SYTL5: variants seen among roughly 807,000 people sequenced by gnomAD.
The protein encoded by SYTL5 is synaptotagmin-like protein 5.
A neutral mutation model predicts 55.9 loss-of-function variants in SYTL5; 34 were observed. The ratio of observed to expected loss-of-function variants is 0.61; its 90% CI spans 0.46 to 0.81. The LOEUF (loss-of-function observed/expected upper bound fraction) is 0.81, where lower values mean the gene tolerates loss of function less well. SYTL5 is among the 30% of genes least tolerant of loss of function. The pLI, the probability that SYTL5 is intolerant of heterozygous loss-of-function variation, is 0.00. For synonymous variants in SYTL5, 221 were observed against 188.7 expected, an observed-to-expected ratio of 1.17 and a Z score of -1.40; for missense variants, 637 against 546.7, an observed-to-expected ratio of 1.17 and a Z score of -1.65.
chrX:38,044,112 C>T (rs6520968), intron 2 of SYTL5, among the ~76,000 whole-genome samples: 31,796 of 110,168 alleles, frequency 0.29, 6,319 homozygotes, highest in African/African-American at 0.71. Flanking sequence ...TTGTAATTAA[C>T]TGCCAGTGAT....
Position 38,110,457 on chromosome X carries a change from A to G in SYTL5, c.1571A>G (p.Asp524Gly). The G allele has an allele frequency of 8.3e-7, 1 of 1,205,676 alleles. No individual in the cohort carries two copies. Among genetic ancestry groups the G allele is most frequent in the Non-Finnish European group, 1.1e-6 (1 of 892,335 alleles). The change falls in exon 13 of 17, where the codon GAT (aspartate) becomes GGT (glycine). Residue 524 changes from aspartate (D) to glycine (G), a missense_variant. Asp to Gly is a moderately conservative substitution (Grantham distance 94, BLOSUM62 -1). Transcript: ENST00000297875. ...TCATGGAACTTTGAAAATCCAACTGATGAGTGGTTTGTGCTTCAACCCAAG... is the reference window on the plus strand; with the variant it reads ...TCATGGAACTTTGAAAATCCAACTGGTGAGTGGTTTGTGCTTCAACCCAAG... ...FDSWNFENPT[D>G]EWFVLQPKVE...
At chrX:38,053,251 A>G (rs1935675087) in intron 2 of SYTL5, among the ~76,000 whole-genome samples, 1 of 112,685 alleles carries the variant, frequency 8.9e-6, no homozygotes. Flanking sequence ...TTGGAACAGC[A>G]ATTTTCTAAA....
chrX:37,925,913 G>A, the SYTL5 span, among the ~76,000 whole-genome samples: 1 of 111,736 alleles, frequency 8.9e-6, no homozygotes, highest in East Asian at 2.8e-4. Flanking sequence ...GTTTCATCGA[G>A]TTTTCTGTGA....
At chrX:38,119,360 C>T (rs1937544124) in intron 13 of SYTL5, among the ~76,000 whole-genome samples, 1 of 111,983 alleles carries the variant, frequency 8.9e-6, no homozygotes, top group African/African-American at 3.3e-5. Flanking sequence ...TCCCTAACTT[C>T]TAGCAACCAC....
At chrX:37,989,903 C>T in the SYTL5 span, among the ~76,000 whole-genome samples, 9 of 110,290 alleles carry the variant, frequency 8.2e-5, no homozygotes, top group East Asian at 2.8e-4. Context: ...GACCGAGTCC[C>T]GCTCTGTCTC....
At chrX:38,018,687 C>A (rs1748282877) in intron 1 of SYTL5, among the ~76,000 whole-genome samples, 2 of 111,839 alleles carry the variant, frequency 1.8e-5, no homozygotes, top group South Asian at 7.6e-4. Flanking sequence ...ACCCAGAAAT[C>A]TATTTTTAAC....
At chrX:38,071,177 C>T (rs1278092107) in intron 3 of SYTL5, among the ~76,000 whole-genome samples, 2 of 111,160 alleles carry the variant, frequency 1.8e-5, no homozygotes, top group African/African-American at 6.5e-5. Context: ...ACAACCCAGT[C>T]GAAATGAGAG....
At chrX:37,923,523 T>TTA in the SYTL5 span, among the ~76,000 whole-genome samples, 2 of 109,833 alleles carry the variant, frequency 1.8e-5, no homozygotes, top group African/African-American at 6.6e-5. Context: ...AATATAAACT[T>TTA]TATATATATA....
At chrX:37,989,149 A>G in the SYTL5 span, among the ~76,000 whole-genome samples, 4 of 111,939 alleles carry the variant, frequency 3.6e-5, no homozygotes, top group African/African-American at 6.5e-5. Flanking sequence ...TCAAAAGATC[A>G]AAGTATTCAA....
At chrX:37,895,522 TTCTC>T in the SYTL5 span, among the ~76,000 whole-genome samples, 7 of 104,858 alleles carry the variant, frequency 6.7e-5, no homozygotes, top group Admixed American at 7.4e-4. Context: ...TTTCTTTTCT[TTCTC>T]TCTCCTCTCT....
chrX:38,071,915 C>T, intron 3 of SYTL5, 132 bp from the exon 4 acceptor site: 2 of 465,077 alleles, frequency 4.3e-6, no homozygotes. Flanking sequence ...ATTATTATCA[C>T]CATAAAATAC....
chrX:38,103,493 A>T (rs1937133612), intron 10 of SYTL5, among the ~76,000 whole-genome samples: 1 of 110,243 alleles, frequency 9.1e-6, no homozygotes, highest in African/African-American at 3.3e-5. Context: ...CCCTCTGCTT[A>T]CAGAGGATTT....
chrX:37,963,173 A>G, the SYTL5 span, among the ~76,000 whole-genome samples: 1 of 110,815 alleles, frequency 9.0e-6, no homozygotes, highest in Non-Finnish European at 1.9e-5. Flanking sequence ...TATTTTATTC[A>G]CCTTGATGCT....
chrX:38,034,988 C>T (rs1602325836), intron 2 of SYTL5, among the ~76,000 whole-genome samples: 1 of 111,932 alleles, frequency 8.9e-6, no homozygotes, highest in Non-Finnish European at 1.9e-5. Flanking sequence ...GAGGAGAAAA[C>T]TTATCATGTG....
At chrX:38,110,564 A>G in intron 13 of SYTL5, 82 bp downstream of exon 13, 1 of 824,175 alleles carries the variant, frequency 1.2e-6, no homozygotes, top group Admixed American at 3.8e-5. Flanking sequence ...AAAGAACTTG[A>G]AGACTTTCAA....
chrX:37,930,657 T>G, the SYTL5 span, among the ~76,000 whole-genome samples: 1 of 112,184 alleles, frequency 8.9e-6, no homozygotes, highest in Non-Finnish European at 1.9e-5. Flanking sequence ...AATCTCATCC[T>G]GATTAATTTC....
chrX:38,110,993 A>G (rs1036337679), intron 13 of SYTL5, among the ~76,000 whole-genome samples: 1 of 111,723 alleles, frequency 9.0e-6, no homozygotes, highest in African/African-American at 3.3e-5. Flanking sequence ...TTACATTCAG[A>G]AAAAAAATCT....
Position 38,033,723 on chromosome X carries a change from A to G in SYTL5, c.-167A>G, listed in dbSNP as rs1935026623. The G allele has an allele frequency of 6.2e-6, 2 of 322,428 alleles. No homozygotes were observed. The highest frequency in any genetic ancestry group is 8.6e-4 in the Middle Eastern group (1 of 1,161). The allele number at this position is 322,428 out of a possible 1,213,427, so 26.6% of individuals were successfully genotyped here. A position where few individuals can be genotyped will look rare whatever the true frequency, so the allele number is the denominator to read the frequency against. On this transcript the variant is annotated 5_prime_UTR_variant, in exon 2 of 17. Transcript: ENST00000297875. ...GGAGGCTGTTCTACGTATAGCCTGA[A>G]AGAATACTTAACTACCATACGCAAT...
chrX:38,106,268 G>A (rs1293479078), intron 10 of SYTL5, among the ~76,000 whole-genome samples: 5 of 112,340 alleles, frequency 4.5e-5, no homozygotes, highest in Non-Finnish European at 7.5e-5. Flanking sequence ...AGATAGACGA[G>A]AAGTGAGATT....
Sources: gnomAD v4.1 joint callset for allele counts (sites outside exome capture counted in the v4.1 genomes callset) on GRCh38, gnomAD v4.1.1 for gene constraint, MANE v1.5 for transcripts, NCBI Gene and HGNC (gene_info 2026-07-23, HGNC 2026-07-21) for gene names.